The following CNTNAP5 variants were observed in gnomAD, a reference collection of about 807,000 sequenced individuals.
CNTNAP5 encodes the protein contactin associated protein family member 5, also known as contactin-associated protein-like 5.
Under a neutral mutation model 150.2 loss-of-function variants are expected in CNTNAP5, and 72 were observed. The ratio of observed to expected loss-of-function variants is 0.48; its 90% CI spans 0.40 to 0.58. CNTNAP5 has a LOEUF of 0.58. CNTNAP5 is among the 20% of genes least tolerant of loss of function. CNTNAP5 has a pLI of 0.00. For missense variants in CNTNAP5, 1,636 were observed against 1,626.2 expected (o/e 1.01, Z -0.10); for synonymous variants, 672 against 619.8 (o/e 1.08, Z -1.25).
Position 124,587,868 on chromosome 2 carries a change from A to G in CNTNAP5, c.1757-21933A>G, listed in dbSNP as rs541727817. Among the ~76,000 whole-genome samples, 99 of 152,332 alleles carry G rather than the reference A, an allele frequency of 6.5e-4. 1 individual carries two copies. Among genetic ancestry groups the G allele is most frequent in the African/African-American group, 2.3e-3 (96 of 41,588 alleles). ...ATGATGACTATTTCCCCTAAAAAAA[A>G]GTAAGATTACTAGGAAAAACAAAAG... On this transcript the variant is annotated intron_variant, in intron 11 of 23. Transcript: ENST00000682447.
At chr2:124,800,769 G>A (rs1285109506) in intron 19 of CNTNAP5, among the ~76,000 whole-genome samples, 1 of 152,158 alleles carries the variant, frequency 6.6e-6, no homozygotes, top group Non-Finnish European at 1.5e-5. Context: ...CAGGAATCAA[G>A]AAGGTACTTG....
At chr2:124,506,881 C>G (rs1233597335) in intron 8 of CNTNAP5, among the ~76,000 whole-genome samples, 1 of 152,190 alleles carries the variant, frequency 6.6e-6, no homozygotes, top group African/African-American at 2.4e-5. Context: ...GGAGGAAGAT[C>G]TGCTTCCGCA....
chr2:124,472,798 C>CA (rs944442655), intron 6 of CNTNAP5, among the ~76,000 whole-genome samples: 5 of 150,756 alleles, frequency 3.3e-5, no homozygotes, highest in Middle Eastern at 3.4e-3. Flanking sequence ...TATTTTATTG[C>CA]AAAAAAAATA....
chr2:124,908,056 C>G (rs965335149), intron 22 of CNTNAP5, among the ~76,000 whole-genome samples: 3 of 151,686 alleles, frequency 2.0e-5, no homozygotes, highest in Non-Finnish European at 2.9e-5. Flanking sequence ...AAGGGAGAAA[C>G]CATTGTAAGT....
intron 6 of CNTNAP5, among the ~76,000 whole-genome samples, chr2:124,459,648 A>G (rs930071356): frequency 6.6e-6 from 1 of 151,680 alleles, no homozygotes; most frequent in Non-Finnish European, 1.5e-5. Context: ...CTACTCGGGA[A>G]GCTGAGGGCT....
intron 1 of CNTNAP5, among the ~76,000 whole-genome samples, chr2:124,217,999 T>C (rs1232975225): frequency 2.6e-5 from 4 of 152,152 alleles, no homozygotes; most frequent in Non-Finnish European, 5.9e-5. Context: ...TCAATATGCT[T>C]TCCACTAATG....
intron 1 of CNTNAP5, among the ~76,000 whole-genome samples, chr2:124,096,060 C>G (rs1247112427): frequency 6.6e-6 from 1 of 152,148 alleles, no homozygotes; most frequent in Non-Finnish European, 1.5e-5. Context: ...CCTGAACATT[C>G]TTTCCCGTGC....
At chr2:124,721,819 G>A (rs938118873) in intron 13 of CNTNAP5, among the ~76,000 whole-genome samples, 2 of 152,040 alleles carry the variant, frequency 1.3e-5, no homozygotes, top group African/African-American at 4.8e-5. Flanking sequence ...CAGATTGAGT[G>A]GCTTAAAGAA....
intron 3 of CNTNAP5, among the ~76,000 whole-genome samples, chr2:124,367,461 G>A (rs1249056117): frequency 6.6e-6 from 1 of 152,102 alleles, no homozygotes; most frequent in Non-Finnish European, 1.5e-5. Flanking sequence ...GCAACATGTA[G>A]GTAACCACCC....
intron 13 of CNTNAP5, among the ~76,000 whole-genome samples, chr2:124,650,918 C>T (rs139238447): frequency 2.6e-5 from 4 of 152,246 alleles, no homozygotes; most frequent in Non-Finnish European, 5.9e-5. Flanking sequence ...GTGAACATAA[C>T]TGATTATATC....
intron 1 of CNTNAP5, among the ~76,000 whole-genome samples, chr2:124,174,598 C>T (rs1005291380): frequency 6.6e-6 from 1 of 152,276 alleles, no homozygotes; most frequent in African/African-American, 2.4e-5. Flanking sequence ...TCATGATAGA[C>T]TCTAAAGTGT....
chr2:124,510,918 A>C (rs140193715), intron 8 of CNTNAP5, among the ~76,000 whole-genome samples: 1 of 152,226 alleles, frequency 6.6e-6, no homozygotes, highest in African/African-American at 2.4e-5. Context: ...TACCTTGATA[A>C]CCTAATTTAT....
intron 3 of CNTNAP5, among the ~76,000 whole-genome samples, chr2:124,288,891 T>A (rs11123032): frequency 0.35 from 53,690 of 152,044 alleles, 9,683 homozygotes; most frequent in South Asian, 0.51. Flanking sequence ...CCTTGAATGA[T>A]TGTGTGAATA....
intron 3 of CNTNAP5, among the ~76,000 whole-genome samples, chr2:124,352,764 C>T (rs1430603368): frequency 2.2e-4 from 34 of 152,132 alleles, no homozygotes; most frequent in Admixed American, 2.2e-3. Context: ...CTGTTCTGCT[C>T]ATGAGACAGG....
chr2:124,537,100 G>T (rs1195180653), intron 10 of CNTNAP5, among the ~76,000 whole-genome samples: 1 of 152,010 alleles, frequency 6.6e-6, no homozygotes, highest in Non-Finnish European at 1.5e-5. Flanking sequence ...AATGTTGTGA[G>T]GTTAATATTA....
rs144016690 is a variant in CNTNAP5 at position 124,648,089 on chromosome 2, A to G, written c.2077+131A>G. ...TCACTGTGCACTCGAGAGAAACACA[A>G]CAAGAGGGGTCTGGTTATGTAGTAA... On this transcript the variant is annotated intron_variant, in intron 13 of 23. Transcript: ENST00000682447. 480 of 739,816 alleles carry G rather than the reference A, an allele frequency of 6.5e-4. 2 individuals carry two copies. The East Asian group carries it at 0.013, about 20-fold the overall frequency. The allele number at this position is 739,816 out of a possible 1,614,324, so 45.8% of individuals were successfully genotyped here. A position where few individuals can be genotyped will look rare whatever the true frequency, so the allele number is the denominator to read the frequency against.
chr2:124,811,030 G>C (rs528768538), intron 19 of CNTNAP5, among the ~76,000 whole-genome samples: 10 of 152,140 alleles, frequency 6.6e-5, no homozygotes, highest in Non-Finnish European at 1.5e-4. Flanking sequence ...GAGGATCCTA[G>C]AAAAGTCTGC....
intron 3 of CNTNAP5, among the ~76,000 whole-genome samples, chr2:124,298,046 T>C (rs1053053760): frequency 6.6e-6 from 1 of 152,082 alleles, no homozygotes; most frequent in African/African-American, 2.4e-5. Flanking sequence ...GGTTTTACCA[T>C]GTTGGTCAGG....
chr2:124,844,387 T>C (rs1683004409), intron 19 of CNTNAP5, among the ~76,000 whole-genome samples: 1 of 152,042 alleles, frequency 6.6e-6, no homozygotes, highest in African/African-American at 2.4e-5. Context: ...ATTTCTGTAC[T>C]AGTACAAAGC....
Sources: gnomAD v4.1 joint callset for allele counts (sites outside exome capture counted in the v4.1 genomes callset) on GRCh38, gnomAD v4.1.1 for gene constraint, MANE v1.5 for transcripts, NCBI Gene and HGNC (gene_info 2026-07-23, HGNC 2026-07-21) for gene names.